Variants in ATXN7L1 observed in about 807,000 individuals in gnomAD.
The protein encoded by ATXN7L1 is ataxin-7-like protein 1.
In ATXN7L1, 15 loss-of-function variants were observed where a neutral mutation model predicts 70.8. The observed-to-expected ratio is 0.21, with a 90% CI of 0.14 to 0.33. The LOEUF is 0.33. Among genes scored for constraint, ATXN7L1 ranks in the 10% least tolerant of loss-of-function variants. ATXN7L1 has a pLI of 1.00. For missense variants in ATXN7L1, 975 were observed against 1,097.1 expected (o/e 0.89, Z 1.57); for synonymous variants, 440 against 445.1 (o/e 0.99, Z 0.14).
intron 8 of ATXN7L1, among the ~76,000 whole-genome samples, chr7:105,620,567 T>C (rs902731535): frequency 9.2e-5 from 14 of 152,172 alleles, no homozygotes; most frequent in African/African-American, 3.4e-4. Context: ...GGCTACGTTT[T>C]CTACTTCTGG....
chr7:105,739,300 TAA>T (rs1797749642), intron 3 of ATXN7L1, among the ~76,000 whole-genome samples: 1 of 152,126 alleles, frequency 6.6e-6, no homozygotes, highest in Non-Finnish European at 1.5e-5. Flanking sequence ...TGCACCAACC[TAA>T]GAGAAATGCC....
At chr7:105,802,091 C>T (rs1806904521) in intron 2 of ATXN7L1, among the ~76,000 whole-genome samples, 1 of 152,106 alleles carries the variant, frequency 6.6e-6, no homozygotes, top group Non-Finnish European at 1.5e-5. Flanking sequence ...GAAAACTTCC[C>T]TTGTGCTCTG....
At chr7:105,692,710 G>C (rs1791171320) in intron 3 of ATXN7L1, among the ~76,000 whole-genome samples, 1 of 151,882 alleles carries the variant, frequency 6.6e-6, no homozygotes, top group South Asian at 2.1e-4. Context: ...GCCTCCCAGA[G>C]TGCTGGGATT....
chr7:105,759,161 CTT>C (rs10708956), intron 3 of ATXN7L1, among the ~76,000 whole-genome samples: 4,749 of 136,784 alleles, frequency 0.035, 183 homozygotes, highest in East Asian at 0.12. Context: ...TTTATTCTTA[CTT>C]TTTTTTTTTT....
chr7:105,643,592 C>CA (rs1299422718), intron 4 of ATXN7L1, among the ~76,000 whole-genome samples: 1 of 152,258 alleles, frequency 6.6e-6, no homozygotes, highest in East Asian at 1.9e-4. Context: ...TGCTTAGCTC[C>CA]GGAGTGCTGA....
chr7:105,692,378 C>T (rs555062518), intron 3 of ATXN7L1, among the ~76,000 whole-genome samples: 80 of 86,440 alleles, frequency 9.3e-4, no homozygotes, highest in African/African-American at 3.6e-3. Context: ...TCTTTCCTTC[C>T]TTCCTTCCTT....
At chr7:105,817,239 A>G (rs1809332687) in intron 2 of ATXN7L1, among the ~76,000 whole-genome samples, 2 of 152,250 alleles carry the variant, frequency 1.3e-5, no homozygotes, top group Non-Finnish European at 2.9e-5. Context: ...TACAGGAGAA[A>G]GCAATTTCAA....
intron 3 of ATXN7L1, among the ~76,000 whole-genome samples, chr7:105,763,975 T>C (rs1196942686): frequency 6.6e-6 from 1 of 152,078 alleles, no homozygotes; most frequent in Non-Finnish European, 1.5e-5. Context: ...TGCCCTAGCC[T>C]CCCAAGGAGC....
At chr7:105,711,102 T>C (rs1467887533) in intron 3 of ATXN7L1, among the ~76,000 whole-genome samples, 1 of 152,138 alleles carries the variant, frequency 6.6e-6, no homozygotes, top group Admixed American at 6.5e-5. Context: ...CCTTGACATG[T>C]GGGGATTATT....
At chr7:105,725,125 G>C (rs1795655067) in intron 3 of ATXN7L1, among the ~76,000 whole-genome samples, 1 of 152,126 alleles carries the variant, frequency 6.6e-6, no homozygotes, top group Non-Finnish European at 1.5e-5. Flanking sequence ...GGTAGAATTT[G>C]AGCCTATCTT....
intron 3 of ATXN7L1, among the ~76,000 whole-genome samples, chr7:105,669,114 G>A (rs922075933): frequency 3.3e-5 from 5 of 152,086 alleles, no homozygotes; most frequent in African/African-American, 7.2e-5. Flanking sequence ...AGACAGTCTC[G>A]CTCTGTTGTC....
At chr7:105,820,390 G>T (rs1405185076) in intron 2 of ATXN7L1, among the ~76,000 whole-genome samples, 1 of 152,128 alleles carries the variant, frequency 6.6e-6, no homozygotes, top group East Asian at 1.9e-4. Context: ...CTGTGGGATG[G>T]GTATGAGGTG....
chr7:105,803,063 A>C (rs904868582), intron 2 of ATXN7L1, among the ~76,000 whole-genome samples: 2 of 152,210 alleles, frequency 1.3e-5, no homozygotes, highest in Admixed American at 1.3e-4. Context: ...GTATTGGTAA[A>C]CTTAGACTTT....
intron 3 of ATXN7L1, among the ~76,000 whole-genome samples, chr7:105,729,272 A>G (rs1237859776): frequency 1.4e-5 from 2 of 139,156 alleles, no homozygotes; most frequent in Non-Finnish European, 3.0e-5. Context: ...CTCTGTATCA[A>G]TAATAAATGA....
intron 3 of ATXN7L1, among the ~76,000 whole-genome samples, chr7:105,773,423 C>T (rs986825754): frequency 2.6e-5 from 4 of 152,138 alleles, no homozygotes; most frequent in East Asian, 1.9e-4. Context: ...GGGTGGATGA[C>T]GAGACTGTCC....
intron 3 of ATXN7L1, among the ~76,000 whole-genome samples, chr7:105,744,047 C>T (rs1776313426): frequency 6.6e-6 from 1 of 152,124 alleles, no homozygotes; most frequent in Admixed American, 6.5e-5. Flanking sequence ...TGGTTCAATG[C>T]CCAGTTCTCT....
chr7:105,872,883 G>A (rs1198921827), intron 2 of ATXN7L1, among the ~76,000 whole-genome samples: 6 of 151,108 alleles, frequency 4.0e-5, no homozygotes, highest in African/African-American at 1.2e-4. Flanking sequence ...CGCCGGGCAC[G>A]GTGGCTCATG....
At chr7:105,823,184 T>C (rs1387904969) in intron 2 of ATXN7L1, among the ~76,000 whole-genome samples, 1 of 152,100 alleles carries the variant, frequency 6.6e-6, no homozygotes, top group Non-Finnish European at 1.5e-5. Flanking sequence ...TGTGAAGTGG[T>C]AATCCTGATT....
At chr7:105,629,543 T>C (rs1477269098) in intron 7 of ATXN7L1, among the ~76,000 whole-genome samples, 16 of 150,630 alleles carry the variant, frequency 1.1e-4, no homozygotes. Flanking sequence ...GGAGATGGAG[T>C]CTCCCTCTGT....
Sources: gnomAD v4.1 joint callset for allele counts (sites outside exome capture counted in the v4.1 genomes callset) on GRCh38, gnomAD v4.1.1 for gene constraint, MANE v1.5 for transcripts, NCBI Gene and HGNC (gene_info 2026-07-23, HGNC 2026-07-21) for gene names.